Variants in PELI1 observed in about 807,000 individuals in gnomAD.
PELI1 encodes pellino E3 ubiquitin protein ligase 1.
Under a neutral mutation model 41.3 loss-of-function variants are expected in PELI1, and 15 were observed. The observed-to-expected ratio is 0.36, with a 90% CI of 0.24 to 0.56. PELI1 has a LOEUF of 0.56. Among genes scored for constraint, PELI1 ranks in the 20% least tolerant of loss-of-function variants. PELI1 has a pLI of 0.82. For synonymous variants in PELI1, 178 were observed against 180.1 expected, an observed-to-expected ratio of 0.99 and a Z score of 0.09; for missense variants, 403 against 525.5, an observed-to-expected ratio of 0.77 and a Z score of 2.28.
intron 1 of PELI1, among the ~76,000 whole-genome samples, chr2:64,128,507 T>C (rs1681460159): frequency 1.3e-5 from 2 of 152,128 alleles, no homozygotes; most frequent in Admixed American, 6.5e-5. Flanking sequence ...TCTCCTCACA[T>C]CCCACCCCCA....
chr2:64,131,175 A>G (rs1055937604), intron 1 of PELI1, among the ~76,000 whole-genome samples: 1 of 152,098 alleles, frequency 6.6e-6, no homozygotes, highest in Non-Finnish European at 1.5e-5. Context: ...AGCTATCAAC[A>G]AATTTCATTA....
chr2:64,126,785 C>T (rs1681403082), intron 1 of PELI1, among the ~76,000 whole-genome samples: 2 of 151,036 alleles, frequency 1.3e-5, no homozygotes, highest in Non-Finnish European at 1.5e-5. Flanking sequence ...CCTTGAGAGA[C>T]AGACCGGACT....
At chr2:64,112,151 G>A (rs1680826367) in intron 1 of PELI1, among the ~76,000 whole-genome samples, 1 of 152,116 alleles carries the variant, frequency 6.6e-6, no homozygotes, top group South Asian at 2.1e-4. Flanking sequence ...AATAGAATTA[G>A]TAAGTGCACA....
intron 1 of PELI1, among the ~76,000 whole-genome samples, chr2:64,115,809 A>G (rs1478328301): frequency 6.6e-6 from 1 of 152,224 alleles, no homozygotes; most frequent in Non-Finnish European, 1.5e-5. Context: ...TTAGAAGACT[A>G]GAATGTATTC....
At chr2:64,142,895 C>T (rs1681959406) in intron 1 of PELI1, among the ~76,000 whole-genome samples, 1 of 152,108 alleles carries the variant, frequency 6.6e-6, no homozygotes, top group Admixed American at 6.5e-5. Context: ...TAACATTTTG[C>T]AGAGTAAGAA....
chr2:64,133,426 A>C (rs1681621601), intron 1 of PELI1, among the ~76,000 whole-genome samples: 1 of 152,086 alleles, frequency 6.6e-6, no homozygotes, highest in Non-Finnish European at 1.5e-5. Flanking sequence ...TGAGATGACA[A>C]AGAGATTTCA....
chr2:64,101,433 C>T (rs1680428463), intron 3 of PELI1, among the ~76,000 whole-genome samples: 1 of 151,782 alleles, frequency 6.6e-6, no homozygotes. Flanking sequence ...AAACTAAAAA[C>T]ATTGCTAAAA....
chr2:64,101,650 T>A (rs1167789723), intron 3 of PELI1, among the ~76,000 whole-genome samples: 1 of 152,174 alleles, frequency 6.6e-6, no homozygotes, highest in African/African-American at 2.4e-5. Context: ...AGCTTTTACT[T>A]GGTTTCAATT....
intron 1 of PELI1, among the ~76,000 whole-genome samples, chr2:64,123,315 CTG>C (rs1409389836): frequency 6.6e-6 from 1 of 152,220 alleles, no homozygotes; most frequent in Non-Finnish European, 1.5e-5. Flanking sequence ...ACTTTGTGGG[CTG>C]TGTTTACCTG....
chr2:64,110,640 A>G (rs1414671278), intron 1 of PELI1, among the ~76,000 whole-genome samples: 1 of 152,208 alleles, frequency 6.6e-6, no homozygotes, highest in Non-Finnish European at 1.5e-5. Context: ...GAAAACTATA[A>G]TACAGTTAGA....
At chr2:64,114,134 C>CG (rs1680912044) in intron 1 of PELI1, among the ~76,000 whole-genome samples, 1 of 152,120 alleles carries the variant, frequency 6.6e-6, no homozygotes, top group Non-Finnish European at 1.5e-5. Context: ...AATGTTATAA[C>CG]ATTTTTTTAT....
intron 1 of PELI1, among the ~76,000 whole-genome samples, chr2:64,114,753 C>T (rs2103704020): frequency 6.6e-6 from 1 of 152,306 alleles, no homozygotes; most frequent in East Asian, 1.9e-4. Context: ...TCAGCAGTAT[C>T]TCTGGCCTTT....
intron 1 of PELI1, among the ~76,000 whole-genome samples, chr2:64,111,310 G>C (rs982978342): frequency 1.3e-5 from 2 of 152,042 alleles, no homozygotes; most frequent in Non-Finnish European, 2.9e-5. Context: ...ATAAGAACAC[G>C]TCAAAGGAAA....
In PELI1 at chr2:64,113,328, T is replaced by C. The variant is rs546007213; in HGVS notation, c.-69-4949A>G. The stretch of plus-strand genomic sequence containing the variant: ...AAAAAAAAAAAAATTCCTGAAGTCA[T>C]GTACTTGAGAACTTTAAATGAGTAT... On this transcript the variant is annotated intron_variant, in intron 1 of 6. Coordinates refer to ENST00000358912, the MANE Select transcript of PELI1 (RefSeq NM_020651.4). 8.6e-5 allele frequency among the ~76,000 whole-genome samples: 13 copies of C among 151,784 alleles called. No individual in the cohort carries two copies. The East Asian group carries it at 1.9e-3, about 23-fold the overall frequency.
intron 4 of PELI1, among the ~76,000 whole-genome samples, chr2:64,099,677 A>G (rs902403825): frequency 6.6e-6 from 1 of 152,214 alleles, no homozygotes; most frequent in Non-Finnish European, 1.5e-5. Context: ...ATAATTATAA[A>G]AGCAACATTA....
intron 1 of PELI1, among the ~76,000 whole-genome samples, chr2:64,139,534 A>T (rs908802241): frequency 2.0e-5 from 3 of 152,202 alleles, no homozygotes; most frequent in African/African-American, 4.8e-5. Flanking sequence ...GACAAGAGGG[A>T]TCTTCCCACC....
intron 1 of PELI1, among the ~76,000 whole-genome samples, chr2:64,130,671 T>C (rs1181268800): frequency 6.6e-6 from 1 of 152,188 alleles, no homozygotes; most frequent in Non-Finnish European, 1.5e-5. Flanking sequence ...GTTTGCTAAA[T>C]TAGATCTTAC....
chr2:64,137,295 T>G (rs1056248339), intron 1 of PELI1, among the ~76,000 whole-genome samples: 1 of 152,144 alleles, frequency 6.6e-6, no homozygotes, highest in Non-Finnish European at 1.5e-5. Flanking sequence ...AGAACCAGAT[T>G]CATCTCTTAA....
At chr2:64,112,364 G>T (rs966151235) in intron 1 of PELI1, among the ~76,000 whole-genome samples, 8 of 152,164 alleles carry the variant, frequency 5.3e-5, no homozygotes, top group African/African-American at 1.9e-4. Flanking sequence ...ATTTGGTCCT[G>T]ACATAAGAAT....
Sources: gnomAD v4.1 joint callset for allele counts (sites outside exome capture counted in the v4.1 genomes callset) on GRCh38, gnomAD v4.1.1 for gene constraint, MANE v1.5 for transcripts, NCBI Gene and HGNC (gene_info 2026-07-23, HGNC 2026-07-21) for gene names.